KCNH7: variants seen among roughly 807,000 people sequenced by gnomAD.
The protein encoded by KCNH7 is potassium voltage-gated channel subfamily H member 7, also known as voltage-gated inwardly rectifying potassium channel KCNH7.
KCNH7 carries 49 observed loss-of-function variants against 120.8 expected under a neutral mutation model. The observed-to-expected ratio is 0.41, with a 90% CI of 0.32 to 0.51. The LOEUF (loss-of-function observed/expected upper bound fraction) is 0.51, where lower values mean the gene tolerates loss of function less well. Ranked by LOEUF, KCNH7 falls within the 20% of genes least tolerant of loss-of-function variation. KCNH7 has a pLI of 0.38. For synonymous variants in KCNH7, 547 were observed against 516.1 expected, an observed-to-expected ratio of 1.06 and a Z score of -0.81; for missense variants, 1,097 against 1,446.6, an observed-to-expected ratio of 0.76 and a Z score of 3.92.
At chr2:162,557,957 TA>T (rs1692915978) in intron 2 of KCNH7, among the ~76,000 whole-genome samples, 1 of 152,160 alleles carries the variant, frequency 6.6e-6, no homozygotes, top group Admixed American at 6.5e-5. Context: ...TCAAAGTTAA[TA>T]AAAGAGGGAA....
At chr2:162,720,239 T>G (rs1329531175) in intron 2 of KCNH7, among the ~76,000 whole-genome samples, 2 of 149,242 alleles carry the variant, frequency 1.3e-5, no homozygotes, top group African/African-American at 5.0e-5. Context: ...AATCACAAAT[T>G]CTTTATAAGC....
chr2:162,779,780 T>A (rs1683406273), intron 2 of KCNH7, among the ~76,000 whole-genome samples: 1 of 152,190 alleles, frequency 6.6e-6, no homozygotes, highest in Admixed American at 6.5e-5. Flanking sequence ...CCTCTCAGAA[T>A]AATTTTGCTC....
intron 3 of KCNH7, among the ~76,000 whole-genome samples, chr2:162,518,810 GTT>G (rs781395597): frequency 1.5e-4 from 18 of 119,384 alleles, no homozygotes; most frequent in Non-Finnish European, 2.7e-4. Flanking sequence ...CCTGTTTTCT[GTT>G]TTTTTTTTTT....
At chr2:162,631,647 G>A (rs183682327) in intron 2 of KCNH7, among the ~76,000 whole-genome samples, 1 of 151,982 alleles carries the variant, frequency 6.6e-6, no homozygotes. Flanking sequence ...GGTAAATATA[G>A]TTATAACACT....
rs553739940 is a variant in KCNH7 at position 162,530,202 on chromosome 2, A to G, written c.463+6723T>C. Among the ~76,000 whole-genome samples, 5 of 152,098 alleles carry G rather than the reference A, an allele frequency of 3.3e-5. No homozygotes were observed. The East Asian group carries it at 7.8e-4, about 24-fold the overall frequency. ...TTTCAGAATGTATGGAGCCCAATGT[A>G]TCATAATGCCTTTTTATAATCCATA... is the stretch of plus-strand genomic sequence containing the variant. On this transcript the variant is annotated intron_variant, in intron 3 of 15. Transcript: ENST00000332142.
intron 2 of KCNH7, chr2:162,798,013 C>T (rs1266941760): frequency 6.6e-6 from 1 of 151,970 alleles, no homozygotes; most frequent in Non-Finnish European, 1.5e-5. Flanking sequence ...AAAATGTGGA[C>T]AATGACAAGA....
chr2:162,667,130 A>C (rs6715635), intron 2 of KCNH7, among the ~76,000 whole-genome samples: 25,214 of 150,186 alleles, frequency 0.17, 2,435 homozygotes, highest in East Asian at 0.46. Context: ...AGCGATCTTC[A>C]AACATCAGCC....
intron 6 of KCNH7, among the ~76,000 whole-genome samples, chr2:162,468,854 CT>C (rs531099082): frequency 3.7e-3 from 532 of 143,186 alleles, no homozygotes; most frequent in Non-Finnish European, 3.9e-3. Flanking sequence ...GCCTCTTTCC[CT>C]TTTTTTTTTT....
At chr2:162,406,973 T>C (rs2105456992) in intron 9 of KCNH7, among the ~76,000 whole-genome samples, 1 of 152,148 alleles carries the variant, frequency 6.6e-6, no homozygotes, top group South Asian at 2.1e-4. Flanking sequence ...CTCTTATAGG[T>C]GTTTTAATCT....
At chr2:162,755,097 T>C (rs1028908272) in intron 2 of KCNH7, among the ~76,000 whole-genome samples, 1 of 152,204 alleles carries the variant, frequency 6.6e-6, no homozygotes, top group African/African-American at 2.4e-5. Context: ...TTAACACTTT[T>C]TCCAAAAGAA....
intron 2 of KCNH7, among the ~76,000 whole-genome samples, chr2:162,573,556 C>G (rs932968490): frequency 5.3e-4 from 81 of 152,062 alleles, no homozygotes; most frequent in African/African-American, 1.7e-3. Context: ...TTAGCAGATT[C>G]ATAAGATATG....
At chr2:162,737,339 T>C (rs1687949700) in intron 2 of KCNH7, among the ~76,000 whole-genome samples, 1 of 152,040 alleles carries the variant, frequency 6.6e-6, no homozygotes, top group Non-Finnish European at 1.5e-5. Context: ...AGAGTAGCCT[T>C]GCAAAACACA....
At chr2:162,641,140 G>A (rs1037297947) in intron 2 of KCNH7, among the ~76,000 whole-genome samples, 2 of 152,038 alleles carry the variant, frequency 1.3e-5, no homozygotes, top group East Asian at 3.9e-4. Context: ...AAAACTCAAC[G>A]CAGAACTACC....
rs190058212 is a variant in KCNH7, at chr2:162,753,987, A to G, written c.307+82550T>C. Among the ~76,000 whole-genome samples the G allele has an allele frequency of 2.7e-3, 409 of 152,070 alleles. 3 individuals carry two copies. The highest frequency in any genetic ancestry group is 4.2e-3 in the Non-Finnish European group (288 of 67,932). ...ATAACAATATTTTAATATTTACAAT[A>G]ATGTATATGAATTATGAATATAAAA... On this transcript the variant is annotated intron_variant, in intron 2 of 15. Coordinates refer to ENST00000332142, the MANE Select transcript of KCNH7 (RefSeq NM_033272.4).
intron 2 of KCNH7, among the ~76,000 whole-genome samples, chr2:162,735,368 C>T (rs1286375697): frequency 5.3e-5 from 8 of 152,128 alleles, no homozygotes; most frequent in African/African-American, 1.9e-4. Flanking sequence ...TTGAATCCTG[C>T]TAAAGAATAA....
chr2:162,615,930 C>T (rs1338627425), intron 2 of KCNH7, among the ~76,000 whole-genome samples: 1 of 152,122 alleles, frequency 6.6e-6, no homozygotes, highest in Non-Finnish European at 1.5e-5. Flanking sequence ...AAGTAATTAA[C>T]AAAATGATGT....
At chr2:162,751,508 G>A (rs1332338551) in intron 2 of KCNH7, among the ~76,000 whole-genome samples, 1 of 151,828 alleles carries the variant, frequency 6.6e-6, no homozygotes, top group Non-Finnish European at 1.5e-5. Context: ...TAAGATGAAG[G>A]TTGATTGTAC....
chr2:162,425,846 A>G (rs1196120498), intron 8 of KCNH7, among the ~76,000 whole-genome samples: 1 of 152,194 alleles, frequency 6.6e-6, no homozygotes, highest in African/African-American at 2.4e-5. Context: ...AGTTTAGGTC[A>G]TAAACAAGCA....
chr2:162,575,635 T>C (rs945662530), intron 2 of KCNH7, among the ~76,000 whole-genome samples: 1 of 152,086 alleles, frequency 6.6e-6, no homozygotes, highest in Non-Finnish European at 1.5e-5. Flanking sequence ...CAGCTGCACT[T>C]GATAACCCTA....
Sources: allele counts gnomAD v4.1 joint callset (sites outside exome capture counted in the v4.1 genomes callset), GRCh38; gene constraint gnomAD v4.1.1; transcripts MANE v1.5; gene names NCBI Gene and HGNC (gene_info 2026-07-23, HGNC 2026-07-21).